HSD17B12: variants seen among roughly 807,000 people sequenced by gnomAD.
The protein encoded by HSD17B12 is very-long-chain 3-oxoacyl-CoA reductase.
A neutral mutation model predicts 39.3 loss-of-function variants in HSD17B12; 32 were observed. The ratio of observed to expected loss-of-function variants is 0.81; its 90% CI spans 0.61 to 1.09. The LOEUF is 1.09. Ranked by LOEUF, HSD17B12 falls within the 50% of genes least tolerant of loss-of-function variation. The pLI, the probability that HSD17B12 is intolerant of heterozygous loss-of-function variation, is 0.00. For synonymous variants in HSD17B12, 150 were observed against 146.7 expected, an observed-to-expected ratio of 1.02 and a Z score of -0.16; for missense variants, 342 against 382.9, an observed-to-expected ratio of 0.89 and a Z score of 0.89.
At chr11:43,626,363 G>A in the HSD17B12 span, among the ~76,000 whole-genome samples, 1 of 151,750 alleles carries the variant, frequency 6.6e-6, no homozygotes, top group African/African-American at 2.4e-5. Flanking sequence ...TGTATCTTTA[G>A]TTGGAATATA....
chr11:43,766,854 T>G (rs928711382), intron 3 of HSD17B12, among the ~76,000 whole-genome samples: 4 of 152,252 alleles, frequency 2.6e-5, no homozygotes, highest in African/African-American at 7.2e-5. Flanking sequence ...ACTGTCTAAC[T>G]AAACGTTTTC....
intron 3 of HSD17B12, among the ~76,000 whole-genome samples, chr11:43,779,217 G>A (rs543551800): frequency 1.2e-3 from 184 of 152,278 alleles, no homozygotes; most frequent in African/African-American, 4.3e-3. Context: ...AATTAGTGGA[G>A]AGGACATGGT....
At chr11:43,715,241 G>A (rs1249720014) in intron 1 of HSD17B12, among the ~76,000 whole-genome samples, 1 of 152,014 alleles carries the variant, frequency 6.6e-6, no homozygotes, top group African/African-American at 2.4e-5. Flanking sequence ...TGCCCATTCA[G>A]TATGATATTG....
At chr11:43,595,640 G>C in the HSD17B12 span, among the ~76,000 whole-genome samples, 5 of 152,076 alleles carry the variant, frequency 3.3e-5, no homozygotes, top group Admixed American at 1.3e-4. Context: ...ATTAACCTTT[G>C]TTAATTTCTT....
chr11:43,785,407 A>G lies in HSD17B12; in HGVS notation c.284-12913A>G, dbSNP rs549719068. Among the ~76,000 whole-genome samples, 183 of 152,358 alleles carry G rather than the reference A, an allele frequency of 1.2e-3. 1 individual carries two copies. Among genetic ancestry groups the G allele is most frequent in the African/African-American group, 4.2e-3 (175 of 41,588 alleles). On this transcript the variant is annotated intron_variant, in intron 3 of 10. Transcript: ENST00000278353. ...TATTACATGAAAACTATTAGTCTTA[A>G]GATTTTTAACTACATTTACTTGCTT... is the stretch of plus-strand genomic sequence containing the variant.
At chr11:43,690,026 T>C (rs1590661647) in intron 1 of HSD17B12, among the ~76,000 whole-genome samples, 1 of 152,106 alleles carries the variant, frequency 6.6e-6, no homozygotes, top group Non-Finnish European at 1.5e-5. Flanking sequence ...CAGATATCCA[T>C]GTGACTGACC....
chr11:43,846,098 G>T (rs537512431), intron 9 of HSD17B12, among the ~76,000 whole-genome samples: 172 of 152,282 alleles, frequency 1.1e-3, no homozygotes, highest in African/African-American at 4.0e-3. Flanking sequence ...GCAGACCAAG[G>T]TTTGAGTTCT....
chr11:43,581,219 G>A, the HSD17B12 span, among the ~76,000 whole-genome samples: 1 of 152,082 alleles, frequency 6.6e-6, no homozygotes, highest in East Asian at 1.9e-4. This position sits in a 1 kb window ranked among gnomAD's most constrained non-coding sequence, Gnocchi z 4.9. Context: ...GGGGGATCGC[G>A]GACGGTCTGG....
rs764792567 is a variant in HSD17B12 at position 43,854,785 on chromosome 11, C to T, written c.755C>T (p.Pro252Leu). 97 of 1,614,012 alleles carry T rather than the reference C, an allele frequency of 6.0e-5. No individual in the cohort carries two copies. The highest frequency in any genetic ancestry group is 2.2e-5 in the South Asian group (2 of 91,086). The change falls in exon 10 of 11, where the codon CCG (proline) becomes CTG (leucine). Residue 252 changes from proline (P) to leucine (L), a missense_variant. Physicochemically the swap from Pro to Leu is moderately conservative, Grantham distance 98. Coordinates refer to ENST00000278353, the MANE Select transcript of HSD17B12 (RefSeq NM_016142.3). The part of the protein sequence containing the change: ...IRKPTLDKPS[P>L]ETFVKSAIKT... ...AAGCCAACTTTGGATAAGCCCTCTCCGGAGACGTTTGTGAAGTCTGCAATT... is the reference window on the plus strand; with the variant it reads ...AAGCCAACTTTGGATAAGCCCTCTCTGGAGACGTTTGTGAAGTCTGCAATT...
At chr11:43,853,766 G>A (rs58817325) in intron 9 of HSD17B12, 52,937 of 151,532 alleles carry the variant, frequency 0.35, 9,647 homozygotes, top group Admixed American at 0.44. Context: ...TCCAGCCTAA[G>A]CAACAAGCAA....
At chr11:43,815,578 T>G in intron 5 of HSD17B12, 77 bp downstream of exon 5, 1 of 859,544 alleles carries the variant, frequency 1.2e-6, no homozygotes, top group East Asian at 2.6e-5. Flanking sequence ...ACTATGACAC[T>G]GGAGTCCAGC....
the HSD17B12 span, among the ~76,000 whole-genome samples, chr11:43,594,326 T>C: frequency 2.0e-5 from 3 of 152,090 alleles, no homozygotes; most frequent in Non-Finnish European, 2.9e-5. Flanking sequence ...TTTGAAAATA[T>C]ACAGATTTGG....
At chr11:43,809,859 C>G (rs956023617) in intron 4 of HSD17B12, among the ~76,000 whole-genome samples, 2 of 152,216 alleles carry the variant, frequency 1.3e-5, no homozygotes, top group South Asian at 4.1e-4. Flanking sequence ...AATAAGATGT[C>G]TTTTTATTAA....
chr11:43,755,507 T>C (rs1251662688), intron 3 of HSD17B12: 8 of 152,242 alleles, frequency 5.3e-5, no homozygotes, highest in Admixed American at 4.6e-4. Flanking sequence ...ATGGTTTAAG[T>C]GAAAATAAAA....
At chr11:43,584,630 C>T in the HSD17B12 span, 1 of 152,300 alleles carries the variant, frequency 6.6e-6, no homozygotes, top group African/African-American at 2.4e-5. Context: ...TTCTCAAAGG[C>T]CACAGGTGAT....
At chr11:43,636,602 G>C in the HSD17B12 span, among the ~76,000 whole-genome samples, 9 of 139,114 alleles carry the variant, frequency 6.5e-5, no homozygotes, top group African/African-American at 2.4e-4. Context: ...TTTTTTTTTT[G>C]CTAGCTGACT....
chr11:43,743,275 T>C (rs1378937172), intron 1 of HSD17B12, among the ~76,000 whole-genome samples: 2 of 152,230 alleles, frequency 1.3e-5, no homozygotes. Context: ...CTTTCATCTC[T>C]TGGAAATGTT....
rs766563473 is a variant in HSD17B12 at position 43,854,714 on chromosome 11, GA to G, written c.685del (p.Ser229ValfsTer7). 41 of 1,613,236 alleles carry G rather than the reference GA, an allele frequency of 2.5e-5. No homozygotes were observed. The highest frequency in any genetic ancestry group is 3.1e-5 in the Non-Finnish European group (37 of 1,180,018). ...TTCTGGGGTGGGTGTTCCCTTTCTA[GA>G]GTGTCCTGCCATACTTCGTAGCTAC... ...EYRSKGVFVQ[S>X]VLPYFVATKL... On this transcript the variant is annotated frameshift_variant and splice_region_variant, in exon 10 of 11. Coordinates refer to ENST00000278353, the MANE Select transcript of HSD17B12 (RefSeq NM_016142.3). LOFTEE classifies it high-confidence loss of function.
chr11:43,597,898 G>C, the HSD17B12 span, among the ~76,000 whole-genome samples: 5 of 152,182 alleles, frequency 3.3e-5, no homozygotes, highest in African/African-American at 9.7e-5. Context: ...GCCTCCCAAA[G>C]TGCTGGGATT....
Sources: gnomAD v4.1 joint callset for allele counts (sites outside exome capture counted in the v4.1 genomes callset) on GRCh38, gnomAD v4.1.1 for gene constraint, Gnocchi (gnomAD v3.1) non-coding constraint, MANE v1.5 for transcripts, NCBI Gene and HGNC (gene_info 2026-07-23, HGNC 2026-07-21) for gene names.